The following PLCB1 variants were observed in gnomAD, a reference collection of about 807,000 sequenced individuals.
The protein encoded by PLCB1 is phospholipase C beta 1, also known as 1-phosphatidylinositol 4,5-bisphosphate phosphodiesterase beta-1.
Under a neutral mutation model 161.8 loss-of-function variants are expected in PLCB1, and 46 were observed. The observed-to-expected ratio is 0.28, with a 90% confidence interval of 0.22 to 0.36. PLCB1 has a LOEUF of 0.36. Ranked by LOEUF, PLCB1 falls within the 10% of genes least tolerant of loss-of-function variation. The pLI, the probability that PLCB1 is intolerant of heterozygous loss-of-function variation, is 1.00. For synonymous variants in PLCB1, 517 were observed against 503.7 expected (o/e 1.03, Z -0.35); for missense variants, 1,016 against 1,472.5 (o/e 0.69, Z 5.07).
At chr20:8,433,391 G>A (rs1980143827) in intron 3 of PLCB1, among the ~76,000 whole-genome samples, 1 of 148,846 alleles carries the variant, frequency 6.7e-6, no homozygotes, top group South Asian at 2.1e-4. Context: ...TGGGGAGAGT[G>A]GGCTTCTTTT....
intron 3 of PLCB1, among the ~76,000 whole-genome samples, chr20:8,395,357 C>A (rs779703849): frequency 1.3e-5 from 2 of 151,856 alleles, no homozygotes; most frequent in Non-Finnish European, 2.9e-5. Flanking sequence ...AAGGCATTGT[C>A]TACATATTAT....
chr20:8,716,677 C>G (rs1979331798), intron 13 of PLCB1, among the ~76,000 whole-genome samples: 1 of 152,190 alleles, frequency 6.6e-6, no homozygotes, highest in Admixed American at 6.5e-5. Context: ...CTCGTCACAC[C>G]TCTTTGAGAT....
At chr20:8,516,418 A>C (rs781201802) in intron 3 of PLCB1, among the ~76,000 whole-genome samples, 4 of 152,142 alleles carry the variant, frequency 2.6e-5, no homozygotes, top group Non-Finnish European at 5.9e-5. Context: ...GCCAAGATCA[A>C]CATAAATGGA....
rs560715229 is a variant in PLCB1, at chr20:8,322,903, A to C, written c.178-48479A>C. ...GTTGAATTGTTTGAGGCTGTACCGC[A>C]TGTCAAGCTTTGACAGAACTGACAT... On this transcript the variant is annotated intron_variant, in intron 2 of 31. Coordinates refer to ENST00000338037, the MANE Select transcript of PLCB1 (RefSeq NM_015192.4). Among the ~76,000 whole-genome samples, 4 of 152,302 alleles carry C rather than the reference A, an allele frequency of 2.6e-5. No individual in the cohort carries two copies. The East Asian group carries it at 7.7e-4, about 29-fold the overall frequency.
intron 3 of PLCB1, among the ~76,000 whole-genome samples, chr20:8,403,585 T>C (rs1276185805): frequency 6.6e-6 from 1 of 152,044 alleles, no homozygotes; most frequent in Non-Finnish European, 1.5e-5. Context: ...AAGTGATATG[T>C]TGATGTTCAG....
At chr20:8,808,734 G>A (rs370093445) in intron 31 of PLCB1, among the ~76,000 whole-genome samples, 33 of 152,194 alleles carry the variant, frequency 2.2e-4, no homozygotes, top group Non-Finnish European at 2.6e-4. Context: ...CACAGAACTC[G>A]AATGTAATTA....
chr20:8,212,318 A>C (rs1978868616), intron 2 of PLCB1, among the ~76,000 whole-genome samples: 1 of 152,258 alleles, frequency 6.6e-6, no homozygotes, highest in Admixed American at 6.5e-5. Context: ...ACAGCATTTG[A>C]ATTTTTAGCT....
At chr20:8,661,258 A>T (rs1343790305) in intron 9 of PLCB1, among the ~76,000 whole-genome samples, 1 of 152,142 alleles carries the variant, frequency 6.6e-6, no homozygotes, top group African/African-American at 2.4e-5. Context: ...GTTGTGATCT[A>T]ATCAGTGACC....
chr20:8,461,493 T>C (rs1981575851), intron 3 of PLCB1, among the ~76,000 whole-genome samples: 1 of 152,184 alleles, frequency 6.6e-6, no homozygotes, highest in East Asian at 1.9e-4. Flanking sequence ...TGCTGTGTTA[T>C]GCACATAAAA....
chr20:8,338,646 G>A (rs1985678143), intron 2 of PLCB1, among the ~76,000 whole-genome samples: 2 of 152,140 alleles, frequency 1.3e-5, no homozygotes, highest in Non-Finnish European at 2.9e-5. Context: ...TCTTCTTTAA[G>A]ATATAATTTA....
intron 2 of PLCB1, among the ~76,000 whole-genome samples, chr20:8,263,802 T>TA (rs769489605): frequency 1.1e-4 from 17 of 152,304 alleles, no homozygotes; most frequent in East Asian, 3.9e-4. Context: ...ATAAAACACT[T>TA]ACCATGAATG....
At chr20:8,204,454 G>A (rs1978416741) in intron 2 of PLCB1, among the ~76,000 whole-genome samples, 4 of 152,036 alleles carry the variant, frequency 2.6e-5, no homozygotes, top group African/African-American at 9.7e-5. Flanking sequence ...TTTGTCCTGG[G>A]CTCCAATCTC....
chr20:8,869,765 C>A (rs570705152), intron 31 of PLCB1, among the ~76,000 whole-genome samples: 1 of 152,326 alleles, frequency 6.6e-6, no homozygotes, highest in South Asian at 2.1e-4. Flanking sequence ...CTTGTTCATA[C>A]ATCTGTGGTT....
At chr20:8,775,939 A>C (rs1982921784) in intron 27 of PLCB1, among the ~76,000 whole-genome samples, 1 of 152,194 alleles carries the variant, frequency 6.6e-6, no homozygotes, top group South Asian at 2.1e-4. Context: ...TGCTGAAATA[A>C]GACGAAAGCA....
chr20:8,761,976 A>AGGGGGGG (rs376412796), intron 25 of PLCB1, among the ~76,000 whole-genome samples: 1 of 146,370 alleles, frequency 6.8e-6, no homozygotes, highest in South Asian at 2.4e-4. Flanking sequence ...GGGGAGGCCA[A>AGGGGGGG]GGGGGGGGCG....
intron 27 of PLCB1, among the ~76,000 whole-genome samples, chr20:8,781,354 G>A (rs1465237485): frequency 3.3e-5 from 5 of 150,762 alleles, no homozygotes; most frequent in Non-Finnish European, 7.4e-5. Flanking sequence ...TGACATTTTT[G>A]TCAATTTTCC....
At chr20:8,709,894 C>G (rs1423635400) in intron 12 of PLCB1, among the ~76,000 whole-genome samples, 1 of 152,154 alleles carries the variant, frequency 6.6e-6, no homozygotes, top group Non-Finnish European at 1.5e-5. Flanking sequence ...CTGTTCCATG[C>G]TATTTCTGTT....
intron 2 of PLCB1, among the ~76,000 whole-genome samples, chr20:8,312,000 A>T (rs531207275): frequency 6.6e-6 from 1 of 152,160 alleles, no homozygotes; most frequent in Admixed American, 6.5e-5. Context: ...TCACTGCTCA[A>T]CCTCTAAGTC....
chr20:8,271,457 C>A (rs915123295), intron 2 of PLCB1, among the ~76,000 whole-genome samples: 7 of 151,900 alleles, frequency 4.6e-5, no homozygotes, highest in African/African-American at 1.4e-4. Flanking sequence ...ACCTTAAAAC[C>A]AGGTTAAATT....
Sources: gnomAD v4.1 joint callset for allele counts (sites outside exome capture counted in the v4.1 genomes callset) on GRCh38, gnomAD v4.1.1 for gene constraint, MANE v1.5 for transcripts, NCBI Gene and HGNC (gene_info 2026-07-23, HGNC 2026-07-21) for gene names.